ARID4A: variants seen among roughly 807,000 people sequenced by gnomAD.
ARID4A encodes the protein AT-rich interaction domain 4A.
ARID4A carries 39 observed loss-of-function variants against 148.6 expected under a neutral mutation model. The observed-to-expected ratio is 0.26, with a 90% confidence interval of 0.20 to 0.34. The LOEUF (loss-of-function observed/expected upper bound fraction) is 0.34, where lower values mean the gene tolerates loss of function less well. Among genes scored for constraint, ARID4A ranks in the 10% least tolerant of loss-of-function variants. ARID4A has a pLI of 1.00. For synonymous variants in ARID4A, 475 were observed against 481.2 expected (o/e 0.99, Z 0.17); for missense variants, 1,265 against 1,449.1 (o/e 0.87, Z 2.06).
intron 17 of ARID4A, among the ~76,000 whole-genome samples, chr14:58,354,837 A>G (rs2034802863): frequency 6.6e-6 from 1 of 152,206 alleles, no homozygotes; most frequent in African/African-American, 2.4e-5. Flanking sequence ...GAGAAACAGC[A>G]ATCACCCACA....
At chr14:58,319,044 TTTTTG>T (rs908251064) in intron 7 of ARID4A, among the ~76,000 whole-genome samples, 2 of 152,178 alleles carry the variant, frequency 1.3e-5, no homozygotes, top group Non-Finnish European at 2.9e-5. Context: ...GCCGAAGTTT[TTTTTG>T]TTTTGTTTTG....
rs376098743 is a variant in ARID4A at position 58,364,605 on chromosome 14, C to A, written c.2516C>A (p.Ser839Tyr). Reference protein sequence around the residue: ...ELSSLDNKNFSSATEDEIDQC... With the variant: ...ELSSLDNKNFYSATEDEIDQC... ...TCTTCATTAGACAATAAAAACTTTT[C>A]TTCTGCTACAGAAGATGAAATTGAC... The change falls in exon 20 of 24, where the codon TCT becomes TAT. Residue 839 changes from serine (S) to tyrosine (Y), a missense_variant. Around this residue, in one of 9 missense-constraint regions of ARID4A, gnomAD observed 666 missense variants for 730.9 expected, o/e 0.91. Transcript: ENST00000355431. 350 of 1,613,192 alleles carry A rather than the reference C, an allele frequency of 2.2e-4. No individual in the cohort carries two copies. The highest frequency in any genetic ancestry group is 2.8e-4 in the Non-Finnish European group (327 of 1,179,836).
intron 11 of ARID4A, among the ~76,000 whole-genome samples, chr14:58,332,788 G>A (rs903646316): frequency 1.3e-5 from 2 of 152,114 alleles, no homozygotes; most frequent in African/African-American, 4.8e-5. Context: ...TGCTTTTCGT[G>A]AAGATTCAAT....
chr14:58,348,121 T>C (rs78781363), intron 15 of ARID4A, among the ~76,000 whole-genome samples: 4,461 of 152,266 alleles, frequency 0.029, 88 homozygotes, highest in Middle Eastern at 0.11. Context: ...ATCCCAGATA[T>C]TCCTTTTCCA....
Position 58,347,679 on chromosome 14 carries a change from C to G in ARID4A, c.1205C>G (p.Ser402Trp). 2.5e-6 allele frequency: 4 copies of G among 1,610,978 alleles called. No individual in the cohort carries two copies. Among genetic ancestry groups the G allele is most frequent in the Non-Finnish European group, 1.7e-6 (2 of 1,178,676 alleles). Residue 402 changes from serine (S) to tryptophan (W), a missense_variant, in exon 15 of 24, where the codon TCG (serine) becomes TGG (tryptophan). Ser to Trp is a radical substitution (Grantham distance 177). Around this residue, in one of 9 missense-constraint regions of ARID4A, gnomAD observed 205 missense variants for 196.9 expected, o/e 1.04. Transcript: ENST00000355431. ...YLYGFEEYCRSANIQFRTVHH... is the reference protein window; with the variant it reads ...YLYGFEEYCRWANIQFRTVHH... ...TATGGTTTTGAGGAGTACTGCCGTT[C>G]GGCAAATATTCAGTTCAGAACTGTT...
At chr14:58,353,969 C>CTAGG in intron 17 of ARID4A, 114 bp downstream of exon 17, 1 of 964,060 alleles carries the variant, frequency 1.0e-6, no homozygotes, top group Non-Finnish European at 1.5e-6. Flanking sequence ...CAAAGCACAC[C>CTAGG]TTGGTTCTGA....
At chr14:58,354,347 G>A (rs1014507695) in intron 17 of ARID4A, among the ~76,000 whole-genome samples, 3 of 152,100 alleles carry the variant, frequency 2.0e-5, no homozygotes, top group Admixed American at 6.6e-5. Flanking sequence ...AAAAAAGAAC[G>A]TTAGAACTTA....
intron 3 of ARID4A, among the ~76,000 whole-genome samples, chr14:58,303,336 TG>T: frequency 6.6e-6 from 1 of 152,182 alleles, no homozygotes; most frequent in Non-Finnish European, 1.5e-5. Context: ...TGAAACAATG[TG>T]ATATAGCATT....
chr14:58,353,338 T>C (rs1435538667), intron 16 of ARID4A: 1 of 194,754 alleles, frequency 5.1e-6, no homozygotes, highest in Non-Finnish European at 1.0e-5. Context: ...ATATGAATTC[T>C]AAAGAATTTT....
At position 58,353,682 on chromosome 14, in the gene ARID4A, C is replaced by T. The variant is rs1342714344; in HGVS notation, c.1680C>T (p.Asp560=). The change falls in exon 17 of 24, where the codon GAC becomes GAT. Residue 560 remains aspartate (D), a synonymous_variant. Transcript: ENST00000355431. ...QEREETESKC[D]SEGEEDEEDM... is the part of the protein sequence containing the mutation. ...GGGAAGAAACTGAAAGCAAATGTGACTCTGAAGGAGAGGAAGATGAGGAAG... is the reference window on the plus strand; with the variant it reads ...GGGAAGAAACTGAAAGCAAATGTGATTCTGAAGGAGAGGAAGATGAGGAAG... 3 of 1,613,872 alleles carry T rather than the reference C, an allele frequency of 1.9e-6. No individual in the cohort carries two copies. Among genetic ancestry groups the T allele is most frequent in the African/African-American group, 1.3e-5 (1 of 74,916 alleles).
intron 15 of ARID4A, among the ~76,000 whole-genome samples, chr14:58,350,100 TAAAA>T (rs758927898): frequency 2.4e-5 from 2 of 83,802 alleles, no homozygotes; most frequent in Non-Finnish European, 4.7e-5. Context: ...GACTCTGTCT[TAAAA>T]AAAAAAAAAA....
intron 17 of ARID4A, 21 bp from the exon 18 acceptor site, chr14:58,359,107 CTTTT>C (rs752553814): frequency 3.1e-4 from 404 of 1,296,128 alleles, no homozygotes; most frequent in Admixed American, 6.4e-4. Context: ...TGTACAAACT[CTTTT>C]TTTTTTTTTT....
Position 58,360,926 on chromosome 14 carries a change from A to G in ARID4A, c.1964A>G (p.Glu655Gly), listed in dbSNP as rs1382299520. Reference sequence around the variant, plus strand: ...AATAAAGAAGATAGTGAAAAGGACGAAAAGAGAGATGAGGAGAGGCAGAAG... The same window carrying G: ...AATAAAGAAGATAGTGAAAAGGACGGAAAGAGAGATGAGGAGAGGCAGAAG... Reference protein sequence around the residue: ...AKNKEDSEKDEKRDEERQKSK... With the variant: ...AKNKEDSEKDGKRDEERQKSK... Residue 655 changes from glutamate to glycine, a missense_variant, in exon 19 of 24, where the codon GAA (glutamate) becomes GGA (glycine). Around this residue, in one of 9 missense-constraint regions of ARID4A, gnomAD observed 666 missense variants for 730.9 expected, o/e 0.91. Coordinates refer to ENST00000355431, the MANE Select transcript of ARID4A (RefSeq NM_002892.4). The G allele has an allele frequency of 6.2e-7, 1 of 1,614,160 alleles. No individual in the cohort carries two copies. Among genetic ancestry groups the G allele is most frequent in the Non-Finnish European group, 8.5e-7 (1 of 1,180,020 alleles).
chr14:58,323,550 A>G lies in ARID4A; in HGVS notation c.515A>G (p.Asp172Gly). Residue 172 changes from aspartate to glycine, a missense_variant, in exon 8 of 24, where the codon GAT becomes GGT. Around this residue, in one of 9 missense-constraint regions of ARID4A, gnomAD observed 249 missense variants for 277.2 expected, o/e 0.90. Coordinates refer to ENST00000355431, the MANE Select transcript of ARID4A (RefSeq NM_002892.4). Reference protein sequence around the residue: ...EEDEDKRRLNDELLGKVVSVV... With the variant: ...EEDEDKRRLNGELLGKVVSVV... Reference sequence around the variant, plus strand: ...GATGAAGACAAGCGCCGTCTCAATGATGAATTACTAGGAAAAGTTGTAAGT... The same window carrying G: ...GATGAAGACAAGCGCCGTCTCAATGGTGAATTACTAGGAAAAGTTGTAAGT... The G allele has an allele frequency of 6.2e-7, 1 of 1,614,184 alleles. No individual in the cohort carries two copies. Among genetic ancestry groups the G allele is most frequent in the South Asian group, 1.1e-5 (1 of 91,088 alleles).
At chr14:58,359,341 C>A in intron 18 of ARID4A, 125 bp downstream of exon 18, 1 of 770,596 alleles carries the variant, frequency 1.3e-6, no homozygotes. Flanking sequence ...GTATATAGAC[C>A]TCCCATATAC....
intron 1 of ARID4A, 51 bp downstream of exon 1, chr14:58,298,751 A>C (rs2030787623): frequency 6.6e-6 from 1 of 152,352 alleles, no homozygotes; most frequent in Non-Finnish European, 1.5e-5. Context: ...AAGTGGCAGT[A>C]GCAGCAGCTG....
At chr14:58,332,537 T>A (rs1242525153) in intron 11 of ARID4A, among the ~76,000 whole-genome samples, 1 of 152,196 alleles carries the variant, frequency 6.6e-6, no homozygotes. Flanking sequence ...AAGATTTAGT[T>A]GCTGAATCAT....
chr14:58,332,557 T>C (rs753438944), intron 11 of ARID4A, among the ~76,000 whole-genome samples: 2 of 152,178 alleles, frequency 1.3e-5, no homozygotes, highest in Non-Finnish European at 2.9e-5. Flanking sequence ...TTGTAACTTC[T>C]CTTGAACAGT....
At position 58,353,329 on chromosome 14, in the gene ARID4A, T is replaced by C. The variant is rs979157268; in HGVS notation, c.1656-329T>C. On this transcript the variant is annotated intron_variant, in intron 16 of 23. Coordinates refer to ENST00000355431, the MANE Select transcript of ARID4A (RefSeq NM_002892.4). Reference sequence around the variant, plus strand: ...AGATCATCGTTAGCTGGCACTTAAATATGAATTCTAAAGAATTTTTTCAGA... The same window carrying C: ...AGATCATCGTTAGCTGGCACTTAAACATGAATTCTAAAGAATTTTTTCAGA... The C allele has an allele frequency of 3.8e-5, 7 of 184,766 alleles. No individual in the cohort carries two copies. In the East Asian group the frequency reaches 9.0e-4, roughly 24 times the overall value. 11.4% of individuals were successfully genotyped at this position (184,766 alleles called of 1,614,324 possible). A position where few individuals can be genotyped will look rare whatever the true frequency, so the allele number is the denominator to read the frequency against.
Sources: gnomAD v4.1 joint callset for allele counts (sites outside exome capture counted in the v4.1 genomes callset) on GRCh38, gnomAD v4.1.1 for gene constraint, gnomAD v4.1.1 regional missense constraint, MANE v1.5 for transcripts, NCBI Gene and HGNC (gene_info 2026-07-23, HGNC 2026-07-21) for gene names.